PTPN4: variants seen among roughly 807,000 people sequenced by gnomAD.
PTPN4 encodes tyrosine-protein phosphatase non-receptor type 4.
Under a neutral mutation model 135.5 loss-of-function variants are expected in PTPN4, and 49 were observed. That is an observed-to-expected ratio of 0.36 (90% confidence interval 0.29 to 0.46). PTPN4 has a LOEUF of 0.46. Among genes scored for constraint, PTPN4 ranks in the 20% least tolerant of loss-of-function variants. The pLI, the probability that PTPN4 is intolerant of heterozygous loss-of-function variation, is 1.00. For missense variants in PTPN4, 860 were observed against 1,101.0 expected (o/e 0.78, Z 3.10); for synonymous variants, 333 against 369.9 (o/e 0.90, Z 1.14).
chr2:119,863,817 A>C (rs1677793984), intron 3 of PTPN4, among the ~76,000 whole-genome samples: 1 of 152,148 alleles, frequency 6.6e-6, no homozygotes, highest in Admixed American at 6.5e-5. Flanking sequence ...TCATACTTTG[A>C]TGCCTTCACT....
intron 8 of PTPN4, 60 bp from the exon 9 acceptor site, chr2:119,885,735 T>C: frequency 8.3e-7 from 1 of 1,204,154 alleles, no homozygotes. Context: ...TTTTCTAATT[T>C]AGCCATATTT....
intron 13 of PTPN4, among the ~76,000 whole-genome samples, chr2:119,929,991 TTAATAGAG>T (rs1011463415): frequency 6.6e-6 from 1 of 152,174 alleles, no homozygotes; most frequent in Non-Finnish European, 1.5e-5. Flanking sequence ...TGAATTAGCA[TTAATAGAG>T]CCATAAATGT....
chr2:119,905,048 A>AC (rs1678466373), intron 10 of PTPN4, among the ~76,000 whole-genome samples: 1 of 133,988 alleles, frequency 7.5e-6, no homozygotes, highest in Non-Finnish European at 1.7e-5. Context: ...AAAAAAAAAA[A>AC]ACAAATAATC....
At chr2:119,903,095 T>C (rs1678431078) in intron 10 of PTPN4, among the ~76,000 whole-genome samples, 1 of 152,116 alleles carries the variant, frequency 6.6e-6, no homozygotes, top group Non-Finnish European at 1.5e-5. Context: ...CTGTATCTCG[T>C]GCAGTGTCCT....
At chr2:119,837,115 G>A (rs554066120) in intron 2 of PTPN4, among the ~76,000 whole-genome samples, 1 of 152,190 alleles carries the variant, frequency 6.6e-6, no homozygotes, top group African/African-American at 2.4e-5. Flanking sequence ...CCTGGAGGGG[G>A]ATAACTTAAA....
chr2:119,933,002 A>C (rs970097564), intron 14 of PTPN4, among the ~76,000 whole-genome samples: 3 of 152,168 alleles, frequency 2.0e-5, no homozygotes, highest in Non-Finnish European at 4.4e-5. Flanking sequence ...TCTATGGCCT[A>C]GGAAAAGGGG....
At chr2:119,906,331 A>G (rs1171856743) in intron 10 of PTPN4, among the ~76,000 whole-genome samples, 4 of 152,028 alleles carry the variant, frequency 2.6e-5, no homozygotes, top group African/African-American at 7.2e-5. Flanking sequence ...GACCTGTCTG[A>G]AAAAAAAGAA....
intron 1 of PTPN4, among the ~76,000 whole-genome samples, chr2:119,808,987 T>C (rs1260345558): frequency 6.6e-6 from 1 of 152,216 alleles, no homozygotes; most frequent in Non-Finnish European, 1.5e-5. Flanking sequence ...TACTAGTCTT[T>C]CTTCTAGTTT....
At chr2:119,909,220 A>G (rs1350065437) in intron 10 of PTPN4, among the ~76,000 whole-genome samples, 1 of 152,196 alleles carries the variant, frequency 6.6e-6, no homozygotes, top group Non-Finnish European at 1.5e-5. Context: ...ATCTAAGACT[A>G]TCATAGATGA....
chr2:119,825,351 C>T (rs1403961596), intron 2 of PTPN4, among the ~76,000 whole-genome samples: 1 of 152,164 alleles, frequency 6.6e-6, no homozygotes, highest in African/African-American at 2.4e-5. Context: ...AGAGTTTTCA[C>T]TTTTCACACT....
intron 3 of PTPN4, among the ~76,000 whole-genome samples, chr2:119,871,462 G>A (rs897723489): frequency 6.6e-6 from 1 of 152,066 alleles, no homozygotes; most frequent in Admixed American, 6.5e-5. Flanking sequence ...AGCTACCGGG[G>A]AGGCTGAGGC....
intron 22 of PTPN4, among the ~76,000 whole-genome samples, chr2:119,958,962 A>G (rs1679327614): frequency 6.6e-6 from 1 of 152,166 alleles, no homozygotes; most frequent in South Asian, 2.1e-4. Flanking sequence ...AAAAAACCCA[A>G]AAGGTAAAAA....
At chr2:119,967,257 C>A (rs949903315) in intron 25 of PTPN4, among the ~76,000 whole-genome samples, 2 of 152,112 alleles carry the variant, frequency 1.3e-5, no homozygotes, top group Non-Finnish European at 2.9e-5. Flanking sequence ...ACCAGCCTGA[C>A]AAACATGGTG....
At chr2:119,922,374 A>T (rs900793986) in intron 12 of PTPN4, among the ~76,000 whole-genome samples, 1 of 152,194 alleles carries the variant, frequency 6.6e-6, no homozygotes, top group African/African-American at 2.4e-5. Context: ...TGGGATATGT[A>T]CATTTTAGAA....
chr2:119,877,982 G>A (rs975523342), intron 5 of PTPN4, among the ~76,000 whole-genome samples: 5 of 151,982 alleles, frequency 3.3e-5, no homozygotes, highest in Middle Eastern at 3.4e-3. Context: ...CATTATTTGC[G>A]GGTCAGTAGG....
At chr2:119,936,874 C>T (rs983785895) in intron 15 of PTPN4, among the ~76,000 whole-genome samples, 1 of 152,070 alleles carries the variant, frequency 6.6e-6, no homozygotes, top group African/African-American at 2.4e-5. Context: ...TGTTTGTATT[C>T]CATTTTGAAT....
In PTPN4 at chr2:119,932,525, G is replaced by C. The variant is rs778139713; in HGVS notation, c.1172G>C (p.Arg391Pro). Reference protein sequence around the residue: ...DRLETQSLPSRSPPGTPNHRN... With the variant: ...DRLETQSLPSPSPPGTPNHRN... ...TTAGAAACACAAAGTCTTCCATCACGATCTCCACCGGGAACTCCTAATCAG... is the reference window on the plus strand; with the variant it reads ...TTAGAAACACAAAGTCTTCCATCACCATCTCCACCGGGAACTCCTAATCAG... Residue 391 changes from arginine to proline, a missense_variant, in exon 14 of 27, where the codon CGA becomes CCA. Arg to Pro is a moderately radical substitution (Grantham distance 103). Coordinates refer to ENST00000263708, the MANE Select transcript of PTPN4 (RefSeq NM_002830.4). 3 of 1,611,354 alleles carry C rather than the reference G, an allele frequency of 1.9e-6. No individual in the cohort carries two copies. The highest frequency in any genetic ancestry group is 2.5e-6 in the Non-Finnish European group (3 of 1,178,416).
chr2:119,924,668 T>G (rs767079911), intron 12 of PTPN4, among the ~76,000 whole-genome samples: 1 of 152,132 alleles, frequency 6.6e-6, no homozygotes, highest in Non-Finnish European at 1.5e-5. Flanking sequence ...ATCCCTAATG[T>G]CTGTATTATG....
chr2:119,975,840 A>G (rs1367688547), intron 26 of PTPN4, among the ~76,000 whole-genome samples: 2 of 152,132 alleles, frequency 1.3e-5, no homozygotes, highest in African/African-American at 2.4e-5. Context: ...TTTTATAATT[A>G]TATGCTATAT....
Sources: allele counts gnomAD v4.1 joint callset (sites outside exome capture counted in the v4.1 genomes callset), GRCh38; gene constraint gnomAD v4.1.1; transcripts MANE v1.5; gene names NCBI Gene and HGNC (gene_info 2026-07-23, HGNC 2026-07-21).